The following UTRN variants were observed in gnomAD, a reference collection of about 807,000 sequenced individuals.
The protein encoded by UTRN is utrophin, also known as dystrophin-related protein 1.
In UTRN, 283 loss-of-function variants were observed where a neutral mutation model predicts 463.9. The ratio of observed to expected loss-of-function variants is 0.61; its 90% CI spans 0.55 to 0.67. UTRN has a LOEUF of 0.67. UTRN is among the 30% of genes least tolerant of loss of function. The probability of loss-of-function intolerance (pLI) is 0.00; values close to 1 mark genes in which losing one functional copy is unlikely to be tolerated. For synonymous variants in UTRN, 1,442 were observed against 1,431.5 expected, an observed-to-expected ratio of 1.01 and a Z score of -0.17; for missense variants, 3,922 against 4,084.3, an observed-to-expected ratio of 0.96 and a Z score of 1.08.
At chr6:144,604,294 G>A (rs1804585023) in intron 51 of UTRN, among the ~76,000 whole-genome samples, 1 of 152,180 alleles carries the variant, frequency 6.6e-6, no homozygotes. Flanking sequence ...AAAAAGAAGA[G>A]TGTGAAGTGG....
At chr6:144,311,439 C>G (rs1226145453) in intron 2 of UTRN, among the ~76,000 whole-genome samples, 6 of 152,134 alleles carry the variant, frequency 3.9e-5, no homozygotes, top group Non-Finnish European at 7.4e-5. Context: ...TTGCTAAATT[C>G]TAGAAAACCT....
Position 144,628,888 on chromosome 6 carries a change from C to CT in UTRN, c.7480-49517dup, listed in dbSNP as rs146122656. ...AGATAGGAGGTTCTGGAGTTGAGGG[C>CT]TGGTTTAACTGATCAGGGCATTTAA... On this transcript the variant is annotated intron_variant, in intron 51 of 74. Coordinates refer to ENST00000367545, the MANE Select transcript of UTRN (RefSeq NM_007124.3). 2.0e-3 allele frequency among the ~76,000 whole-genome samples: 302 copies of CT among 152,190 alleles called. 9 individuals carry two copies. In the East Asian group the frequency reaches 0.049, roughly 24 times the overall value.
chr6:144,317,739 G>A lies in UTRN; in HGVS notation c.79+25832G>A, dbSNP rs73588913. Among the ~76,000 whole-genome samples the A allele has an allele frequency of 7.1e-3, 1,085 of 152,234 alleles. 16 individuals carry two copies. The highest frequency in any genetic ancestry group is 0.025 in the African/African-American group (1,042 of 41,540). On this transcript the variant is annotated intron_variant, in intron 2 of 74. Transcript: ENST00000367545. ...TAAATTACCAAATTGTTGTAATAGA[G>A]ATTAGTACCTTCTCTTACCTTTCTT...
chr6:144,360,034 TCC>T (rs1778910382), intron 2 of UTRN, among the ~76,000 whole-genome samples: 1 of 40,988 alleles, frequency 2.4e-5, no homozygotes, highest in Admixed American at 2.1e-4. Context: ...TTTTCTTTTT[TCC>T]CTTCCCTTCC....
intron 53 of UTRN, among the ~76,000 whole-genome samples, chr6:144,720,202 A>G (rs1786970082): frequency 6.6e-6 from 1 of 152,206 alleles, no homozygotes; most frequent in African/African-American, 2.4e-5. Context: ...GAAAATGAAG[A>G]TCAGCTGATT....
At chr6:144,293,421 T>C (rs1374026870) in intron 2 of UTRN, among the ~76,000 whole-genome samples, 2 of 152,194 alleles carry the variant, frequency 1.3e-5, no homozygotes, top group Non-Finnish European at 2.9e-5. Context: ...ACTATTTTAA[T>C]TTAAAATTAT....
At chr6:144,347,902 GAC>G (rs994352450) in intron 2 of UTRN, among the ~76,000 whole-genome samples, 2 of 147,368 alleles carry the variant, frequency 1.4e-5, no homozygotes, top group Non-Finnish European at 3.0e-5. Flanking sequence ...GGAGTGCAGT[GAC>G]ACAGTCTTAG....
intron 35 of UTRN, among the ~76,000 whole-genome samples, chr6:144,513,113 C>T (rs906873591): frequency 6.6e-6 from 1 of 152,170 alleles, no homozygotes; most frequent in African/African-American, 2.4e-5. Context: ...TTCAGTACAT[C>T]TTGCTGTGGT....
intron 2 of UTRN, among the ~76,000 whole-genome samples, chr6:144,358,605 T>C (rs1778777335): frequency 6.6e-6 from 1 of 152,176 alleles, no homozygotes; most frequent in Non-Finnish European, 1.5e-5. Flanking sequence ...CTATTAACTC[T>C]TGTGTTGTTT....
intron 2 of UTRN, among the ~76,000 whole-genome samples, chr6:144,354,437 A>T (rs1457125018): frequency 6.6e-6 from 1 of 152,208 alleles, no homozygotes; most frequent in African/African-American, 2.4e-5. Flanking sequence ...GTGCTGCAGC[A>T]TCCAACCACG....
At chr6:144,534,552 A>G (rs996040131) in intron 43 of UTRN, among the ~76,000 whole-genome samples, 1 of 152,216 alleles carries the variant, frequency 6.6e-6, no homozygotes, top group Non-Finnish European at 1.5e-5. Flanking sequence ...TGCCTTGACT[A>G]TTCATAGTAA....
intron 51 of UTRN, among the ~76,000 whole-genome samples, chr6:144,577,848 G>A (rs900465158): frequency 5.3e-5 from 8 of 152,064 alleles, no homozygotes; most frequent in East Asian, 1.9e-4. Context: ...TATGAAATAC[G>A]TCTGAATCTT....
Position 144,810,215 on chromosome 6 carries a change from A to T in UTRN, c.9357+7068A>T, listed in dbSNP as rs376092083. Among the ~76,000 whole-genome samples, 15 of 152,228 alleles carry T rather than the reference A, an allele frequency of 9.9e-5. No homozygotes were observed. The East Asian group carries it at 1.5e-3, about 16-fold the overall frequency. ...TCTTATGACCCTTTAGGGAAGAAGG[A>T]TGGGAGAAGGTCAGAGAGATCTTGC... is the stretch of plus-strand genomic sequence containing the variant. On this transcript the variant is annotated intron_variant, in intron 65 of 74. Coordinates refer to ENST00000367545, the MANE Select transcript of UTRN (RefSeq NM_007124.3).
chr6:144,385,054 G>C (rs4243470), intron 2 of UTRN, among the ~76,000 whole-genome samples: 113,300 of 152,070 alleles, frequency 0.75, 42,959 homozygotes, highest in African/African-American at 0.89. Flanking sequence ...TTGTTTGATT[G>C]ACTCTTGCTA....
intron 66 of UTRN, among the ~76,000 whole-genome samples, chr6:144,824,405 A>ATT (rs1239868578): frequency 1.1e-5 from 1 of 94,908 alleles, no homozygotes; most frequent in African/African-American, 5.1e-5. Context: ...ATATAAAACC[A>ATT]TTATATATAT....
chr6:144,618,918 A>G (rs922752833), intron 51 of UTRN, among the ~76,000 whole-genome samples: 44 of 152,256 alleles, frequency 2.9e-4, no homozygotes, highest in African/African-American at 1.0e-3. Context: ...AACAACTTTT[A>G]TGTTCCTCAC....
chr6:144,794,692 C>A (rs1025104059), intron 63 of UTRN, among the ~76,000 whole-genome samples: 1 of 152,084 alleles, frequency 6.6e-6, no homozygotes, highest in Non-Finnish European at 1.5e-5. Flanking sequence ...AACAAAATAC[C>A]ATAAACTGGA....
chr6:144,718,888 G>A (rs1786792524), intron 53 of UTRN, among the ~76,000 whole-genome samples: 1 of 152,240 alleles, frequency 6.6e-6, no homozygotes, highest in Non-Finnish European at 1.5e-5. Context: ...TGCAGCTCAT[G>A]CTGGTGGTGC....
chr6:144,657,656 A>G (rs1189669863), intron 51 of UTRN, among the ~76,000 whole-genome samples: 1 of 152,214 alleles, frequency 6.6e-6, no homozygotes, highest in East Asian at 1.9e-4. Context: ...TTGTCTTGTT[A>G]TAAGAGCCCT....
Sources: allele counts gnomAD v4.1 joint callset (sites outside exome capture counted in the v4.1 genomes callset), GRCh38; gene constraint gnomAD v4.1.1; transcripts MANE v1.5; gene names NCBI Gene and HGNC (gene_info 2026-07-23, HGNC 2026-07-21).